ZBTB47: variants seen among roughly 807,000 people sequenced by gnomAD.
The protein encoded by ZBTB47 is zinc finger and BTB domain containing 47, also known as zinc finger and BTB domain-containing protein 47.
ZBTB47 carries 24 observed loss-of-function variants against 56.6 expected under a neutral mutation model. That is an observed-to-expected ratio of 0.42 (90% CI 0.31 to 0.60). The LOEUF (loss-of-function observed/expected upper bound fraction) is 0.60, where lower values mean the gene tolerates loss of function less well. ZBTB47 is among the 20% of genes least tolerant of loss of function. ZBTB47 has a pLI of 0.14. For missense variants in ZBTB47, 829 were observed against 1,032.6 expected, an observed-to-expected ratio of 0.80 and a Z score of 2.70; for synonymous variants, 414 against 418.9, an observed-to-expected ratio of 0.99 and a Z score of 0.14.
In ZBTB47 at chr3:42,666,421, C is replaced by T. The variant is rs941204228; in HGVS notation, c.*1823C>T. On this transcript the variant is annotated 3_prime_UTR_variant, in exon 6 of 6. Transcript: ENST00000232974. ...TGCTTTACTGTAGCTCTTTTTCTTC[C>T]TTGCACTCCTTGATCTTTGGGCTTC... 4.6e-5 allele frequency among the ~76,000 whole-genome samples: 7 copies of T among 152,180 alleles called. No homozygotes were observed. The highest frequency in any genetic ancestry group is 1.3e-4 in the Admixed American group (2 of 15,284).
chr3:42,663,963 G>C lies in ZBTB47; in HGVS notation c.1882+22G>C. The C allele has an allele frequency of 1.2e-6, 2 of 1,600,182 alleles. No individual in the cohort carries two copies. Among genetic ancestry groups the C allele is most frequent in the Non-Finnish European group, 8.5e-7 (1 of 1,171,544 alleles). On this transcript the variant is annotated intron_variant, in intron 5 of 5. Coordinates refer to ENST00000232974, the MANE Select transcript of ZBTB47 (RefSeq NM_145166.4). The surrounding 1 kb of genome is among the most constrained non-coding windows in gnomAD (Gnocchi z 5.1). ...ACAGGTGCGGCTGCCCCTGGGGACG[G>C]AGCTCGGTGCCGGGCCTGGGACCCC...
Position 42,663,257 on chromosome 3 carries a change from C to A in ZBTB47, c.1737+130C>A. ...GTGTCCAGAAAGAGAGAGCCCTGCCCTCTGAGGTCTGCAGCCCCTGCCTCC... is the reference window on the plus strand; with the variant it reads ...GTGTCCAGAAAGAGAGAGCCCTGCCATCTGAGGTCTGCAGCCCCTGCCTCC... On this transcript the variant is annotated intron_variant, in intron 4 of 5. Coordinates refer to ENST00000232974, the MANE Select transcript of ZBTB47 (RefSeq NM_145166.4). This position sits in a 1 kb window ranked among gnomAD's most constrained non-coding sequence, Gnocchi z 5.1. 1.5e-6 allele frequency: 1 copy of A among 681,400 alleles called. No individual in the cohort carries two copies. The highest frequency in any genetic ancestry group is 2.6e-6 in the Non-Finnish European group (1 of 391,300). The allele number at this position is 681,400 out of a possible 1,614,324, so 42.2% of individuals were successfully genotyped here.
Position 42,654,875 on chromosome 3 carries a change from G to C in ZBTB47, c.-82+992G>C, listed in dbSNP as rs1394274458. On this transcript the variant is annotated intron_variant, in intron 1 of 5. Transcript: ENST00000232974. The surrounding 1 kb of genome is among the most constrained non-coding windows in gnomAD (Gnocchi z 5.0). ...AATGCGGCGCTGTGGCGCTGCTCTCGGTGGGGAGGGGGTTAAATTCCTGTG... is the reference window on the plus strand; with the variant it reads ...AATGCGGCGCTGTGGCGCTGCTCTCCGTGGGGAGGGGGTTAAATTCCTGTG... Among the ~76,000 whole-genome samples, 2 of 152,016 alleles carry C rather than the reference G, an allele frequency of 1.3e-5. No homozygotes were observed. The highest frequency in any genetic ancestry group is 2.9e-5 in the Non-Finnish European group (2 of 67,944).
chr3:42,661,607 G>C lies in ZBTB47; in HGVS notation c.1596G>C (p.Met532Ile). 1 of 1,614,062 alleles carries C rather than the reference G, an allele frequency of 6.2e-7. No individual in the cohort carries two copies. ...TCTGTGAGAAGAAGTTCTACACCAT[G>C]GCCCACGTGCGTAAGCACATGGTTG... ...CEICEKKFYT[M>I]AHVRKHMVAH... Residue 532 changes from methionine (M) to isoleucine (I), a missense_variant, in exon 3 of 6, where the codon ATG (methionine) becomes ATC (isoleucine). By Grantham distance (10) the Met-to-Ile change is conservative. Coordinates refer to ENST00000232974, the MANE Select transcript of ZBTB47 (RefSeq NM_145166.4).
chr3:42,662,259 G>A (rs971005746), intron 3 of ZBTB47, among the ~76,000 whole-genome samples: 1 of 152,172 alleles, frequency 6.6e-6, no homozygotes, highest in Non-Finnish European at 1.5e-5. Context: ...TGAGGGGGAG[G>A]GGTAGCCAAG....
At chr3:42,657,502 G>C (rs981632170) in intron 1 of ZBTB47, among the ~76,000 whole-genome samples, 3 of 152,212 alleles carry the variant, frequency 2.0e-5, no homozygotes, top group African/African-American at 7.2e-5. Context: ...GAGGCTGCAG[G>C]CAGGGGTTGG....
Position 42,654,803 on chromosome 3 carries a change from C to A in ZBTB47, c.-82+920C>A, listed in dbSNP as rs963970554. ...GTGGAGGGGCTGGAGGGATCTTCCC[C>A]CCTCCCCCGGTCTCCCGGCTCCATC... On this transcript the variant is annotated intron_variant, in intron 1 of 5. Coordinates refer to ENST00000232974, the MANE Select transcript of ZBTB47 (RefSeq NM_145166.4). The surrounding 1 kb of genome is among the most constrained non-coding windows in gnomAD (Gnocchi z 5.0). 5.3e-5 allele frequency: 36 copies of A among 681,370 alleles called. No homozygotes were observed. The African/African-American group carries it at 6.0e-4, about 11-fold the overall frequency. 42.2% of individuals were successfully genotyped at this position (681,370 alleles called of 1,614,324 possible). A position where few individuals can be genotyped will look rare whatever the true frequency, so the allele number is the denominator to read the frequency against.
At position 42,664,603 on chromosome 3, in the gene ZBTB47, C is replaced by T. The variant is rs1710762361; in HGVS notation, c.*5C>T. ...AGGATGAACGCCAACAACTAGCTGC[C>T]GAGCTGCACCCGTGCACCCGCTGGG... On this transcript the variant is annotated 3_prime_UTR_variant, in exon 6 of 6. Coordinates refer to ENST00000232974, the MANE Select transcript of ZBTB47 (RefSeq NM_145166.4). The T allele has an allele frequency of 3.5e-6, 5 of 1,411,112 alleles. No individual in the cohort carries two copies. The highest frequency in any genetic ancestry group is 3.6e-6 in the Non-Finnish European group (4 of 1,096,170). 87.4% of individuals were successfully genotyped at this position (1,411,112 alleles called of 1,614,324 possible).
chr3:42,664,299 C>T lies in ZBTB47; in HGVS notation c.1945C>T (p.Arg649Trp), dbSNP rs1186227261. 2 of 1,613,470 alleles carry T rather than the reference C, an allele frequency of 1.2e-6. No individual in the cohort carries two copies. Among genetic ancestry groups the T allele is most frequent in the East Asian group, 2.2e-5 (1 of 44,858 alleles). ...CTTCACCAGCCGGCCCAACATGAAG[C>T]GGCACCGGCGCACGCACACGGGCGA... ...KSFTSRPNMK[R>W]HRRTHTGEKP... Residue 649 changes from arginine (R) to tryptophan (W), a missense_variant, in exon 6 of 6, where the codon CGG (arginine) becomes TGG (tryptophan). Arg to Trp is a moderately radical substitution (Grantham distance 101). Transcript: ENST00000232974.
intron 1 of ZBTB47, among the ~76,000 whole-genome samples, chr3:42,657,180 G>A (rs1425327369): frequency 6.6e-6 from 1 of 152,236 alleles, no homozygotes; most frequent in Non-Finnish European, 1.5e-5. Context: ...GGGTGACTGA[G>A]TTGGCTTCTA....
In ZBTB47 at chr3:42,658,616, C is replaced by T. The variant is rs1207951954; in HGVS notation, c.261C>T (p.His87=). ...SKLLVNAANV[H]EVLSAASLLQ... is the part of the protein sequence containing the mutation. ...TGCTGGTCAACGCGGCCAACGTCCA[C>T]GAGGTGCTCAGCGCCGCCTCATTGC... is the stretch of plus-strand genomic sequence containing the variant. Residue 87 remains histidine (H), a synonymous_variant, in exon 2 of 6, where the codon CAC becomes CAT. Coordinates refer to ENST00000232974, the MANE Select transcript of ZBTB47 (RefSeq NM_145166.4). 1.0e-5 allele frequency: 16 copies of T among 1,536,904 alleles called. No individual in the cohort carries two copies. Among genetic ancestry groups the T allele is most frequent in the East Asian group, 2.4e-5 (1 of 40,934 alleles).
At chr3:42,658,220 G>A in intron 1 of ZBTB47, 55 bp from the exon 2 acceptor site, 1 of 1,430,332 alleles carries the variant, frequency 7.0e-7, no homozygotes, top group Non-Finnish European at 9.1e-7. Flanking sequence ...GCTGGGGGAA[G>A]GGCGGGCAGG....
At chr3:42,664,005 G>A in intron 5 of ZBTB47, 64 bp downstream of exon 5, 1 of 1,541,114 alleles carries the variant, frequency 6.5e-7, no homozygotes, top group South Asian at 1.2e-5. Context: ...GCCCCGCTCA[G>A]GACACCTGGA....
At chr3:42,662,872 C>G in intron 3 of ZBTB47, 140 bp from the exon 4 acceptor site, 1 of 610,140 alleles carries the variant, frequency 1.6e-6, no homozygotes, top group South Asian at 1.9e-5. Flanking sequence ...GGAATCAGCA[C>G]AGGTCCTGGG....
In ZBTB47 at chr3:42,662,388, A is replaced by C. The variant is rs145546077; in HGVS notation, c.1622-624A>C. Among the ~76,000 whole-genome samples, 109 of 152,360 alleles carry C rather than the reference A, an allele frequency of 7.2e-4. 1 individual carries two copies. The highest frequency in any genetic ancestry group is 2.5e-3 in the African/African-American group (103 of 41,584). On this transcript the variant is annotated intron_variant, in intron 3 of 5. Transcript: ENST00000232974. ...TGCGGCCTAGGTCTCAGCCAGGAGCATGCTGGGTAAACCAGGACTGGTGTC... is the reference window on the plus strand; with the variant it reads ...TGCGGCCTAGGTCTCAGCCAGGAGCCTGCTGGGTAAACCAGGACTGGTGTC...
rs573265303 is a variant in ZBTB47 at position 42,656,802 on chromosome 3, A to G, written c.-81-1473A>G. 3.3e-5 allele frequency among the ~76,000 whole-genome samples: 5 copies of G among 152,174 alleles called. No individual in the cohort carries two copies. The South Asian group carries it at 1.0e-3, about 32-fold the overall frequency. On this transcript the variant is annotated intron_variant, in intron 1 of 5. Coordinates refer to ENST00000232974, the MANE Select transcript of ZBTB47 (RefSeq NM_145166.4). This position sits in a 1 kb window ranked among gnomAD's most constrained non-coding sequence, Gnocchi z 5.8. The stretch of plus-strand genomic sequence containing the variant: ...ACCACCACCACCCCTGCCCAATCCC[A>G]GCCTACCCACTGCTCTCCTGGCGAT...
Position 42,661,649 on chromosome 3 carries a change from G to C in ZBTB47, c.1621+17G>C. The C allele has an allele frequency of 6.2e-7, 1 of 1,612,984 alleles. No homozygotes were observed. On this transcript the variant is annotated intron_variant, in intron 3 of 5. Coordinates refer to ENST00000232974, the MANE Select transcript of ZBTB47 (RefSeq NM_145166.4). ...ACATGGTTGGTAAGTCTGGGCCACTGGGGGATGGAGCCAGAGGATAGAGAT... is the reference window on the plus strand; with the variant it reads ...ACATGGTTGGTAAGTCTGGGCCACTCGGGGATGGAGCCAGAGGATAGAGAT...
upstream of ZBTB47, among the ~76,000 whole-genome samples, chr3:42,653,166 G>A (rs918154123): frequency 9.9e-5 from 15 of 152,182 alleles, no homozygotes; most frequent in Non-Finnish European, 1.9e-4. Context: ...GAGAGTGGGG[G>A]TGGGGGAGGA....
At chr3:42,655,140 T>C (rs1232806933) in intron 1 of ZBTB47, among the ~76,000 whole-genome samples, 2 of 152,236 alleles carry the variant, frequency 1.3e-5, no homozygotes, top group East Asian at 3.9e-4. Flanking sequence ...TGTGTGACCT[T>C]GGGCAGATCC....
Sources: allele counts gnomAD v4.1 joint callset (sites outside exome capture counted in the v4.1 genomes callset), GRCh38; gene constraint gnomAD v4.1.1; non-coding constraint Gnocchi (gnomAD v3.1); transcripts MANE v1.5; gene names NCBI Gene and HGNC (gene_info 2026-07-23, HGNC 2026-07-21).